ROBO2: variants seen among roughly 807,000 people sequenced by gnomAD.
The protein encoded by ROBO2 is roundabout homolog 2.
A neutral mutation model predicts 160.8 loss-of-function variants in ROBO2; 53 were observed. The ratio of observed to expected loss-of-function variants is 0.33; its 90% CI spans 0.26 to 0.41. The LOEUF is 0.41. Ranked by LOEUF, ROBO2 falls within the 10% of genes least tolerant of loss-of-function variation. The pLI is 1.00. For missense variants in ROBO2, 1,577 were observed against 1,722.4 expected, an observed-to-expected ratio of 0.92 and a Z score of 1.49; for synonymous variants, 664 against 611.7, an observed-to-expected ratio of 1.09 and a Z score of -1.26.
At chr3:76,186,676 T>A (rs1174113223) in intron 2 of ROBO2, among the ~76,000 whole-genome samples, 1 of 152,102 alleles carries the variant, frequency 6.6e-6, no homozygotes, top group African/African-American at 2.4e-5. Flanking sequence ...CCATCTGCAA[T>A]AATAAAAACA....
intron 5 of ROBO2, among the ~76,000 whole-genome samples, chr3:77,513,649 T>C (rs1454511494): frequency 6.6e-6 from 1 of 151,824 alleles, no homozygotes; most frequent in African/African-American, 2.4e-5. Flanking sequence ...TTTACTTTGT[T>C]TTGTTTGTTA....
intron 12 of ROBO2, 86 bp downstream of exon 13, chr3:77,565,206 T>G (rs757352665): frequency 7.1e-6 from 10 of 1,416,054 alleles, no homozygotes; most frequent in Non-Finnish European, 8.0e-6. Flanking sequence ...GAAATATACA[T>G]GTGCCTGCAT....
intron 2 of ROBO2, among the ~76,000 whole-genome samples, chr3:76,070,693 G>A (rs201681299): frequency 6.6e-6 from 1 of 151,302 alleles, no homozygotes; most frequent in Non-Finnish European, 1.5e-5. Flanking sequence ...TTTGTGGCTT[G>A]TTTTAAAGCT....
intron 2 of ROBO2, among the ~76,000 whole-genome samples, chr3:76,316,656 G>A (rs2072057754): frequency 6.6e-6 from 1 of 152,140 alleles, no homozygotes; most frequent in African/African-American, 2.4e-5. Flanking sequence ...GGAGATTAAA[G>A]TAAAGACAGG....
At chr3:76,197,814 T>C (rs1702332364) in intron 2 of ROBO2, among the ~76,000 whole-genome samples, 1 of 152,204 alleles carries the variant, frequency 6.6e-6, no homozygotes, top group African/African-American at 2.4e-5. Context: ...CAGGATGTTT[T>C]GAAATCTTGT....
At chr3:77,442,960 A>T (rs1296380273) in intron 2 of ROBO2, among the ~76,000 whole-genome samples, 1 of 152,202 alleles carries the variant, frequency 6.6e-6, no homozygotes, top group Non-Finnish European at 1.5e-5. Flanking sequence ...TTGCTTGCAC[A>T]TATGGTGGTT....
chr3:76,835,797 G>C (rs531518686), intron 2 of ROBO2, among the ~76,000 whole-genome samples: 2 of 151,754 alleles, frequency 1.3e-5, no homozygotes, highest in Non-Finnish European at 2.9e-5. Context: ...AAAATTTATG[G>C]TTCCTAGAGA....
rs1178064382 is a variant in ROBO2, at chr3:76,887,193, C to CCTTT, written c.110-210821_110-210820insCTTT. 2.5e-5 allele frequency among the ~76,000 whole-genome samples: 3 copies of CCTTT among 120,444 alleles called. 1 individual carries two copies. In the South Asian group the frequency reaches 8.3e-4, roughly 33 times the overall value. The allele number at this position is 120,444 out of a possible 152,430, so 79.0% of individuals were successfully genotyped here. On this transcript the variant is annotated intron_variant, in intron 2 of 26. Transcript: ENST00000487694. Reference sequence around the variant, plus strand: ...ATTGCCCTGCCTTTGCTTCAGGAAGCATTTTTTTTTTTTTTTTTTTTTTTT... The same window carrying CCTTT: ...ATTGCCCTGCCTTTGCTTCAGGAAGCCTTTATTTTTTTTTTTTTTTTTTTTTTTT...
intron 8 of ROBO2, 86 bp from the exon 10 acceptor site, chr3:77,557,858 G>A: frequency 3.9e-6 from 4 of 1,027,312 alleles, no homozygotes; most frequent in South Asian, 1.3e-5. Flanking sequence ...TTGTGTTGGG[G>A]CTTTAACCTT....
chr3:77,580,109 A>G (rs777323750), exon 16 of ROBO2: 4 of 1,613,744 alleles, frequency 2.5e-6, no homozygotes, highest in Non-Finnish European at 3.4e-6. Context: ...GCCACAGCCA[A>G]TAATAATCGG....
At chr3:77,016,716 G>A (rs541416010) in intron 2 of ROBO2, among the ~76,000 whole-genome samples, 36 of 152,156 alleles carry the variant, frequency 2.4e-4, no homozygotes, top group Non-Finnish European at 4.0e-4. Flanking sequence ...TCACAGAAGA[G>A]CTTTGCCCGA....
chr3:76,386,001 T>G (rs1389110300), intron 2 of ROBO2, among the ~76,000 whole-genome samples: 1 of 152,140 alleles, frequency 6.6e-6, no homozygotes, highest in African/African-American at 2.4e-5. Context: ...ATTTGATGAT[T>G]TAATGAAACA....
intron 2 of ROBO2, among the ~76,000 whole-genome samples, chr3:77,244,877 C>CAAA (rs372239209): frequency 2.7e-5 from 3 of 109,440 alleles, no homozygotes; most frequent in Non-Finnish European, 5.3e-5. Context: ...AACTTAGTCT[C>CAAA]AAAAAAAAAA....
intron 2 of ROBO2, among the ~76,000 whole-genome samples, chr3:76,088,767 G>C (rs558673011): frequency 6.6e-6 from 1 of 151,876 alleles, no homozygotes; most frequent in East Asian, 1.9e-4. Flanking sequence ...TAGAAAAGAA[G>C]AAAGAACAAA....
chr3:77,126,654 C>CA (rs1365369880), intron 2 of ROBO2, among the ~76,000 whole-genome samples: 1 of 150,932 alleles, frequency 6.6e-6, no homozygotes, highest in Middle Eastern at 3.2e-3. Context: ...ACTCTATCAA[C>CA]ATTCTGAAGT....
intron 2 of ROBO2, among the ~76,000 whole-genome samples, chr3:76,702,675 TATA>T (rs1367972165): frequency 1.3e-5 from 2 of 151,856 alleles, no homozygotes; most frequent in African/African-American, 4.8e-5. Flanking sequence ...ATGAACGTTA[TATA>T]ATAATAATAA....
chr3:76,090,009 T>C (rs1210978396), intron 2 of ROBO2, among the ~76,000 whole-genome samples: 1 of 152,210 alleles, frequency 6.6e-6, no homozygotes, highest in Admixed American at 6.5e-5. Context: ...CAAAACTCAA[T>C]TGCTTTTCTA....
intron 2 of ROBO2, among the ~76,000 whole-genome samples, chr3:76,276,207 G>A (rs998306290): frequency 2.0e-4 from 31 of 151,930 alleles, no homozygotes; most frequent in African/African-American, 7.2e-4. Flanking sequence ...TCCCAACGTG[G>A]ACTTTCCAAG....
At chr3:76,415,494 A>T (rs2075718550) in intron 2 of ROBO2, among the ~76,000 whole-genome samples, 2 of 152,208 alleles carry the variant, frequency 1.3e-5, no homozygotes, top group Non-Finnish European at 2.9e-5. Context: ...CATAAGTACT[A>T]AATATTTTAA....
Sources: gnomAD v4.1 joint callset for allele counts (sites outside exome capture counted in the v4.1 genomes callset) on GRCh38, gnomAD v4.1.1 for gene constraint, MANE v1.5 for transcripts, NCBI Gene and HGNC (gene_info 2026-07-23, HGNC 2026-07-21) for gene names.